The following DMXL1 variants were observed in gnomAD, a reference collection of about 807,000 sequenced individuals.
DMXL1 encodes dmX-like protein 1.
Under a neutral mutation model 319.2 loss-of-function variants are expected in DMXL1, and 99 were observed. The observed-to-expected ratio is 0.31, with a 90% CI of 0.26 to 0.37. The LOEUF is 0.37. Ranked by LOEUF, DMXL1 falls within the 10% of genes least tolerant of loss-of-function variation. The pLI, the probability that DMXL1 is intolerant of heterozygous loss-of-function variation, is 1.00. For missense variants in DMXL1, 3,745 were observed against 3,595.6 expected (o/e 1.04, Z -1.06); for synonymous variants, 1,385 against 1,235.2 (o/e 1.12, Z -2.54).
At position 119,149,681 on chromosome 5, in the gene DMXL1, C is replaced by A. The variant is rs1455173609; in HGVS notation, c.3854C>A (p.Ser1285Tyr). The A allele has an allele frequency of 6.2e-7, 1 of 1,614,006 alleles. No individual in the cohort carries two copies. The highest frequency in any genetic ancestry group is 1.1e-5 in the South Asian group (1 of 91,084). ...LHPPKKTLTR[S>Y]MTSLAQKICG... is the part of the protein sequence containing the mutation. ...CCTCCAAAGAAAACTCTGACTCGATCCATGACCAGTCTTGCACAGAAAATC... is the reference window on the plus strand; with the variant it reads ...CCTCCAAAGAAAACTCTGACTCGATACATGACCAGTCTTGCACAGAAAATC... The change falls in exon 18 of 44, where the codon TCC (serine) becomes TAC (tyrosine). Residue 1285 changes from serine (S) to tyrosine (Y), a missense_variant. Transcript: ENST00000539542.
chr5:119,071,425 C>A lies in DMXL1; in HGVS notation c.-145C>A. 1 of 784,972 alleles carries A rather than the reference C, an allele frequency of 1.3e-6. No individual in the cohort carries two copies. Among genetic ancestry groups the A allele is most frequent in the South Asian group, 1.6e-5 (1 of 62,624 alleles). The allele number at this position is 784,972 out of a possible 1,614,324, so 48.6% of individuals were successfully genotyped here. A position where few individuals can be genotyped will look rare whatever the true frequency, so the allele number is the denominator to read the frequency against. Reference sequence around the variant, plus strand: ...GGATGAGTCGCGGGCCCCAGCTGAGCGGCTCCGGCTCCAGGCGCCTGTCGC... The same window carrying A: ...GGATGAGTCGCGGGCCCCAGCTGAGAGGCTCCGGCTCCAGGCGCCTGTCGC... On this transcript the variant is annotated 5_prime_UTR_variant, in exon 1 of 44. Transcript: ENST00000539542.
intron 3 of DMXL1, among the ~76,000 whole-genome samples, chr5:119,103,049 CT>C (rs750734223): frequency 6.6e-6 from 1 of 151,524 alleles, no homozygotes; most frequent in East Asian, 1.9e-4. Flanking sequence ...TGTAACAAAT[CT>C]TCACAGGTAC....
rs142168840 is a variant in DMXL1 at position 119,147,415 on chromosome 5, C to T, written c.2856C>T (p.Ser952=). 1.4e-4 allele frequency: 223 copies of T among 1,613,384 alleles called. No homozygotes were observed. Among genetic ancestry groups the T allele is most frequent in the Non-Finnish European group, 1.7e-4 (206 of 1,179,638 alleles). ...RLTLFSEMVY[S]QELHLPEGVE... ...CTCTGTTTTCAGAAATGGTTTATAG[C>T]CAAGAATTGCATTTACCAGAAGGAG... is the stretch of plus-strand genomic sequence containing the variant. Residue 952 remains serine, a synonymous_variant, in exon 17 of 44, where the codon AGC becomes AGT. Coordinates refer to ENST00000539542, the MANE Select transcript of DMXL1 (RefSeq NM_001290321.3).
intron 34 of DMXL1, among the ~76,000 whole-genome samples, chr5:119,214,138 G>T (rs1178164555): frequency 2.6e-5 from 4 of 152,038 alleles, no homozygotes; most frequent in African/African-American, 9.7e-5. Context: ...TCCAGACATT[G>T]CCTGCTCCGA....
chr5:119,156,844 T>G (rs571212106), intron 19 of DMXL1, among the ~76,000 whole-genome samples: 1 of 152,176 alleles, frequency 6.6e-6, no homozygotes, highest in Non-Finnish European at 1.5e-5. Flanking sequence ...TGTTTGTTTT[T>G]TTCTCTTTCT....
At chr5:119,158,125 C>T (rs751387205) in intron 19 of DMXL1, among the ~76,000 whole-genome samples, 37 of 150,986 alleles carry the variant, frequency 2.5e-4, no homozygotes, top group Non-Finnish European at 4.7e-4. Context: ...CTCCTGAGCT[C>T]AAATGATCCT....
chr5:119,104,301 TC>T (rs1757881489), intron 3 of DMXL1: 1 of 152,234 alleles, frequency 6.6e-6, no homozygotes, highest in African/African-American at 2.4e-5. Flanking sequence ...TGAAAGACAT[TC>T]CTGCAAGGCA....
chr5:119,206,177 T>TA (rs1042095574), intron 33 of DMXL1, among the ~76,000 whole-genome samples: 37 of 152,198 alleles, frequency 2.4e-4, no homozygotes, highest in Admixed American at 2.2e-3. Flanking sequence ...TCATTCTTAA[T>TA]AAAAAATTGG....
chr5:119,095,156 A>G (rs1755656566), intron 1 of DMXL1, among the ~76,000 whole-genome samples: 1 of 152,180 alleles, frequency 6.6e-6, no homozygotes, highest in African/African-American at 2.4e-5. Flanking sequence ...TGCTCAGCCA[A>G]GTTCAATAAT....
chr5:119,181,743 T>C (rs934964884), intron 28 of DMXL1, among the ~76,000 whole-genome samples: 6 of 151,332 alleles, frequency 4.0e-5, no homozygotes, highest in Non-Finnish European at 1.5e-5. Context: ...ACCTGGGAGG[T>C]GGAGGTTGCA....
rs1191287668 is a variant in DMXL1 at position 119,149,590 on chromosome 5, T to C, written c.3763T>C (p.Tyr1255His). 5 of 1,613,862 alleles carry C rather than the reference T, an allele frequency of 3.1e-6. No individual in the cohort carries two copies. The highest frequency in any genetic ancestry group is 1.7e-5 in the Admixed American group (1 of 59,946). The change falls in exon 18 of 44, where the codon TAC (tyrosine) becomes CAC (histidine). Residue 1255 changes from tyrosine to histidine, a missense_variant. Physicochemically the swap from Tyr to His is moderately conservative, Grantham distance 83. Transcript: ENST00000539542. ...SKQEPVITDS[Y>H]SGSTPSITSL... Reference sequence around the variant, plus strand: ...ACAAGAACCTGTTATAACAGATTCGTACAGTGGGAGCACTCCATCTATAAC... The same window carrying C: ...ACAAGAACCTGTTATAACAGATTCGCACAGTGGGAGCACTCCATCTATAAC...
At chr5:119,082,181 A>G (rs1400743161) in intron 1 of DMXL1, among the ~76,000 whole-genome samples, 1 of 152,020 alleles carries the variant, frequency 6.6e-6, no homozygotes, top group Non-Finnish European at 1.5e-5. Flanking sequence ...GCGCAGTCGT[A>G]ACTCACTGCA....
Position 119,094,350 on chromosome 5 carries a change from C to G in DMXL1, c.88-3629C>G, listed in dbSNP as rs1216554134. Among the ~76,000 whole-genome samples, 7 of 152,336 alleles carry G rather than the reference C, an allele frequency of 4.6e-5. No homozygotes were observed. In the South Asian group the frequency reaches 8.3e-4, roughly 18 times the overall value. ...CTAAACCTAGTCTGCCTGTGCTCTA[C>G]AAGTGGAACAACAAAGCCCGGATGA... On this transcript the variant is annotated intron_variant, in intron 1 of 43. Coordinates refer to ENST00000539542, the MANE Select transcript of DMXL1 (RefSeq NM_001290321.3).
Position 119,237,310 on chromosome 5 carries a change from T to G in DMXL1, c.8467-12T>G. ...TTATATTAAATACTTTTAAATATTT[T>G]CTTTCTCTAAGTTTGGAATAGTTGA... On this transcript the variant is annotated splice_polypyrimidine_tract_variant and intron_variant, in intron 39 of 43. Transcript: ENST00000539542. The G allele has an allele frequency of 6.1e-6, 9 of 1,486,528 alleles. No individual in the cohort carries two copies. The highest frequency in any genetic ancestry group is 7.4e-6 in the Non-Finnish European group (8 of 1,075,050). 92.1% of individuals were successfully genotyped at this position (1,486,528 alleles called of 1,614,324 possible). A position where few individuals can be genotyped will look rare whatever the true frequency, so the allele number is the denominator to read the frequency against.
intron 19 of DMXL1, among the ~76,000 whole-genome samples, chr5:119,156,560 G>A (rs1483979174): frequency 2.0e-5 from 3 of 152,040 alleles, no homozygotes; most frequent in Admixed American, 1.3e-4. Flanking sequence ...TAACATTGGA[G>A]TGCAGCTATC....
intron 13 of DMXL1, among the ~76,000 whole-genome samples, chr5:119,136,927 C>A (rs1307654188): frequency 2.0e-5 from 3 of 152,274 alleles, no homozygotes; most frequent in Non-Finnish European, 4.4e-5. Context: ...TGGAGCGTCC[C>A]ACAGAGTCCC....
chr5:119,138,134 G>A (rs1389247326), intron 13 of DMXL1, among the ~76,000 whole-genome samples: 2 of 151,984 alleles, frequency 1.3e-5, no homozygotes, highest in Non-Finnish European at 2.9e-5. Context: ...CCAGGAGAGG[G>A]AAAAAAGGAG....
chr5:119,172,110 C>G (rs1774694887), intron 25 of DMXL1, 141 bp downstream of exon 25: 2 of 746,246 alleles, frequency 2.7e-6, no homozygotes, highest in Admixed American at 6.6e-5. Context: ...ATGTTGATTC[C>G]TATTAAAGAA....
At chr5:119,238,864 GA>G in intron 40 of DMXL1, 124 bp from the exon 41 acceptor site, 2 of 1,452,716 alleles carry the variant, frequency 1.4e-6, no homozygotes, top group African/African-American at 1.4e-5. Context: ...AAGTTCAAAG[GA>G]AAAAAACGAT....
Sources: gnomAD v4.1 joint callset for allele counts (sites outside exome capture counted in the v4.1 genomes callset) on GRCh38, gnomAD v4.1.1 for gene constraint, MANE v1.5 for transcripts, NCBI Gene and HGNC (gene_info 2026-07-23, HGNC 2026-07-21) for gene names.